Variants in NCAPD3 observed in about 807,000 individuals in gnomAD.
NCAPD3 encodes the protein condensin-2 complex subunit D3.
In NCAPD3, 105 loss-of-function variants were observed where a neutral mutation model predicts 182.9. That is an observed-to-expected ratio of 0.57 (90% CI 0.49 to 0.68). The LOEUF (loss-of-function observed/expected upper bound fraction) is 0.68, where lower values mean the gene tolerates loss of function less well. NCAPD3 is among the 30% of genes least tolerant of loss of function. The probability of loss-of-function intolerance (pLI) is 0.00; values close to 1 mark genes in which losing one functional copy is unlikely to be tolerated. For synonymous variants in NCAPD3, 815 were observed against 679.9 expected (o/e 1.20, Z -3.09); for missense variants, 1,944 against 1,837.0 (o/e 1.06, Z -1.07).
At position 134,158,372 on chromosome 11, in the gene NCAPD3, TAGG is replaced by T. The variant is rs766571712; in HGVS notation, c.3988_3990del (p.Pro1330del). ...CTCTGCAATGGCCCTGTTTCAGGTG[TAGG>T]AGATGATACTGCTACATGGCCAGCA... On this transcript the variant is annotated inframe_deletion, in exon 30 of 35. Transcript: ENST00000534548. 248 of 1,613,950 alleles carry T rather than the reference TAGG, an allele frequency of 1.5e-4. No homozygotes were observed. Among genetic ancestry groups the T allele is most frequent in the Non-Finnish European group, 2.0e-4 (233 of 1,180,016 alleles).
chr11:134,164,345 G>C (rs1315767786), intron 27 of NCAPD3, among the ~76,000 whole-genome samples: 1 of 152,262 alleles, frequency 6.6e-6, no homozygotes, highest in East Asian at 1.9e-4. Context: ...GAGTAAGTCA[G>C]AGACACCCGG....
At position 134,194,124 on chromosome 11, in the gene NCAPD3, A is replaced by C; in HGVS notation, c.1716T>G (p.Cys572Trp). 1.2e-6 allele frequency: 2 copies of C among 1,614,148 alleles called. No homozygotes were observed. Among genetic ancestry groups the C allele is most frequent in the Non-Finnish European group, 1.7e-6 (2 of 1,179,984 alleles). Residue 572 changes from cysteine (C) to tryptophan (W), a missense_variant, in exon 15 of 35, where the codon TGT becomes TGG. By Grantham distance (215) the Cys-to-Trp change is radical. Coordinates refer to ENST00000534548, the MANE Select transcript of NCAPD3 (RefSeq NM_015261.3). ...GGTCTTCCTTCATGCCTGAGACATC[A>C]CAGTGTTTCAAAATACTCACTAATA... The part of the protein sequence containing the change: ...LQVLVSILKH[C>W]DVSGMKEDLW...
chr11:134,187,407 C>G (rs1479361607), intron 16 of NCAPD3, among the ~76,000 whole-genome samples: 1 of 152,206 alleles, frequency 6.6e-6, no homozygotes, highest in Non-Finnish European at 1.5e-5. Context: ...TGAGGTGTGA[C>G]AAAGCATTCA....
At chr11:134,225,449 T>C, upstream of NCAPD3, 5 of 1,146,628 alleles carry the variant, frequency 4.4e-6, no homozygotes, top group Non-Finnish European at 6.4e-6. Flanking sequence ...CAGTCGCTTG[T>C]CAACTGCAGT....
intron 27 of NCAPD3, among the ~76,000 whole-genome samples, chr11:134,166,846 C>T (rs35268670): frequency 0.054 from 4,484 of 83,130 alleles, 281 homozygotes; most frequent in Admixed American, 0.079. Flanking sequence ...TTGGGGGAGG[C>T]GCACACTCAT....
chr11:134,194,904 G>T (rs1459774533), intron 13 of NCAPD3, among the ~76,000 whole-genome samples, 166 bp from the exon 14 acceptor site: 3 of 152,098 alleles, frequency 2.0e-5, no homozygotes, highest in African/African-American at 7.2e-5. Flanking sequence ...TGAATAATTA[G>T]GTATTCACTG....
At chr11:134,223,038 GT>G in intron 1 of NCAPD3, 2 of 220,556 alleles carry the variant, frequency 9.1e-6, no homozygotes, top group Non-Finnish European at 1.8e-5. Context: ...CAATCCAAGT[GT>G]GTCCGACTCC....
In NCAPD3 at chr11:134,204,965, A is replaced by C. The variant is rs1324544454; in HGVS notation, c.1023T>G (p.Leu341=). 14 of 1,613,330 alleles carry C rather than the reference A, an allele frequency of 8.7e-6. No individual in the cohort carries two copies. Among genetic ancestry groups the C allele is most frequent in the Non-Finnish European group, 1.1e-5 (13 of 1,179,352 alleles). ...RNQAVQFISA[L]VDELKESIFP... ...ATATACTCTCCTTTAATTCATCCAC[A>C]AGGGCGCTTTGTAAAAGAAAAACAC... is the stretch of plus-strand genomic sequence containing the variant. The change falls in exon 9 of 35, where the codon CTT becomes CTG. Residue 341 remains leucine, a synonymous_variant. Transcript: ENST00000534548. The surrounding 1 kb of genome is among the most constrained non-coding windows in gnomAD (Gnocchi z 4.3).
At chr11:134,160,135 C>T in intron 28 of NCAPD3, 61 bp from the exon 29 acceptor site, 2 of 1,552,752 alleles carry the variant, frequency 1.3e-6, no homozygotes, top group South Asian at 1.2e-5. Flanking sequence ...AAGCCCTAAA[C>T]CCCCACGACA....
intron 27 of NCAPD3, among the ~76,000 whole-genome samples, chr11:134,162,683 C>T (rs147635139): frequency 6.6e-6 from 1 of 152,084 alleles, no homozygotes; most frequent in Non-Finnish European, 1.5e-5. Context: ...TTTAATAAAC[C>T]CAGATGTGAG....
chr11:134,190,056 T>G (rs1944492165), intron 16 of NCAPD3, among the ~76,000 whole-genome samples: 1 of 152,232 alleles, frequency 6.6e-6, no homozygotes, highest in African/African-American at 2.4e-5. Flanking sequence ...AATTCACCCT[T>G]TTATTTTATG....
chr11:134,153,692 C>G, intron 32 of NCAPD3: 1 of 387,842 alleles, frequency 2.6e-6, no homozygotes, highest in Admixed American at 3.9e-5. Context: ...CTTACTACAC[C>G]TCCTACTGTG....
At position 134,151,280 on chromosome 11, in the gene NCAPD3, G is replaced by A. The variant is rs952780942; in HGVS notation, c.*1664C>T. ...AGGCCGCCTGGCAGAGGCAGGAAATGCTCCAGCAGTGGCTCAGTGCTCCCT... is the reference window on the plus strand; with the variant it reads ...AGGCCGCCTGGCAGAGGCAGGAAATACTCCAGCAGTGGCTCAGTGCTCCCT... On this transcript the variant is annotated 3_prime_UTR_variant, in exon 35 of 35. Transcript: ENST00000534548. The A allele has an allele frequency of 2.6e-5, 4 of 152,232 alleles. No individual in the cohort carries two copies. Among genetic ancestry groups the A allele is most frequent in the South Asian group, 2.1e-4 (1 of 4,826 alleles). The allele number at this position is 152,232 out of a possible 1,614,324, so 9.4% of individuals were successfully genotyped here.
In NCAPD3 at chr11:134,203,919, G is replaced by T. The variant is rs761710133; in HGVS notation, c.1216-13C>A. The stretch of plus-strand genomic sequence containing the variant: ...CCCGGTGTGGGATCTGGTAAAGCAA[G>T]ATCATAAGAATTGCCATCAGATAGG... On this transcript the variant is annotated splice_polypyrimidine_tract_variant and intron_variant, in intron 10 of 34. Coordinates refer to ENST00000534548, the MANE Select transcript of NCAPD3 (RefSeq NM_015261.3). 6.2e-7 allele frequency: 1 copy of T among 1,610,552 alleles called. No individual in the cohort carries two copies. Among genetic ancestry groups the T allele is most frequent in the South Asian group, 1.1e-5 (1 of 90,902 alleles).
intron 16 of NCAPD3, among the ~76,000 whole-genome samples, chr11:134,188,727 C>G (rs538079900): frequency 6.6e-6 from 1 of 152,240 alleles, no homozygotes; most frequent in South Asian, 2.1e-4. Context: ...TCTGAAGGAA[C>G]AAACTCTGGA....
intron 22 of NCAPD3, 135 bp from the exon 23 acceptor site, chr11:134,177,592 C>A: frequency 1.3e-6 from 1 of 742,250 alleles, no homozygotes; most frequent in Non-Finnish European, 2.2e-6. Flanking sequence ...TCACAAACAA[C>A]AAAAAACTAA....
At chr11:134,225,178 CAG>C, upstream of NCAPD3, 2 of 1,614,090 alleles carry the variant, frequency 1.2e-6, no homozygotes, top group Non-Finnish European at 1.7e-6. Flanking sequence ...CTGAACGATG[CAG>C]AGAGTAGGAA....
chr11:134,150,864 G>GA lies in NCAPD3; in HGVS notation c.*2079dup, dbSNP rs1943204681. 6.6e-6 allele frequency: 1 copy of GA among 152,184 alleles called. No individual in the cohort carries two copies. Among genetic ancestry groups the GA allele is most frequent in the African/African-American group, 2.4e-5 (1 of 41,452 alleles). The allele number at this position is 152,184 out of a possible 1,614,324, so 9.4% of individuals were successfully genotyped here. ...CCAGCCTTTTAAAGAACGTCAGGTG[G>GA]AGCAGCCAGGTGAAAGGCCTGGCGG... is the stretch of plus-strand genomic sequence containing the variant. On this transcript the variant is annotated 3_prime_UTR_variant, in exon 35 of 35. Transcript: ENST00000534548.
chr11:134,172,679 C>T (rs761745148), intron 24 of NCAPD3, among the ~76,000 whole-genome samples: 11 of 152,072 alleles, frequency 7.2e-5, no homozygotes, highest in South Asian at 2.1e-4. Flanking sequence ...CACCACCTAT[C>T]GGGCAGACAG....
Sources: allele counts gnomAD v4.1 joint callset (sites outside exome capture counted in the v4.1 genomes callset), GRCh38; gene constraint gnomAD v4.1.1; non-coding constraint Gnocchi (gnomAD v3.1); transcripts MANE v1.5; gene names NCBI Gene and HGNC (gene_info 2026-07-23, HGNC 2026-07-21).